CSNK2A2IP: variants seen among roughly 807,000 people sequenced by gnomAD.
CSNK2A2IP encodes casein kinase 2 subunit alpha' interacting protein.
At chr3:88,355,316 GAA>G in the CSNK2A2IP span, among the ~76,000 whole-genome samples, 83 of 152,088 alleles carry the variant, frequency 5.5e-4, 1 homozygote, top group East Asian at 0.015. Context: ...TTTTTGTTTT[GAA>G]ATGGGAGAGA....
the CSNK2A2IP span, among the ~76,000 whole-genome samples, chr3:88,380,681 G>A: frequency 0.019 from 2,844 of 151,834 alleles, 81 homozygotes; most frequent in African/African-American, 0.063. Context: ...GTAAAACAGA[G>A]TAAAGTAGAA....
chr3:88,360,221 G>A, the CSNK2A2IP span, among the ~76,000 whole-genome samples: 11 of 149,666 alleles, frequency 7.3e-5, no homozygotes, highest in East Asian at 2.0e-4. Context: ...CCACAACTCC[G>A]CCTCCAGGTT....
the CSNK2A2IP span, among the ~76,000 whole-genome samples, chr3:88,458,141 G>GTTTTTTTTTGTGT: frequency 4.8e-5 from 4 of 83,304 alleles, no homozygotes; most frequent in African/African-American, 2.2e-4. Context: ...TGTAATTGTG[G>GTTTTTTTTTGTGT]TTTTTTTTTT....
chr3:88,410,604 T>C, the CSNK2A2IP span, among the ~76,000 whole-genome samples: 1 of 152,070 alleles, frequency 6.6e-6, no homozygotes, highest in Non-Finnish European at 1.5e-5. Context: ...ACTTGTCTTT[T>C]CAGGTTAAAT....
chr3:88,356,795 A>T, the CSNK2A2IP span, among the ~76,000 whole-genome samples: 1 of 152,040 alleles, frequency 6.6e-6, no homozygotes, highest in Non-Finnish European at 1.5e-5. Context: ...GGCCATTTTA[A>T]CTGGGCTGAC....
chr3:88,389,571 T>C, the CSNK2A2IP span, among the ~76,000 whole-genome samples: 1 of 152,146 alleles, frequency 6.6e-6, no homozygotes, highest in Admixed American at 6.5e-5. Flanking sequence ...ATATCTGACA[T>C]AGTTTTAAAA....
the CSNK2A2IP span, chr3:88,466,883 C>A: frequency 1.7e-6 from 2 of 1,205,832 alleles, no homozygotes; most frequent in Non-Finnish European, 2.1e-6. Flanking sequence ...ACACCTGAGG[C>A]CAATTCTGAG....
At chr3:88,452,792 C>A in the CSNK2A2IP span, among the ~76,000 whole-genome samples, 1 of 152,024 alleles carries the variant, frequency 6.6e-6, no homozygotes, top group Non-Finnish European at 1.5e-5. Flanking sequence ...ACATAGCTTA[C>A]AAGATTGGTT....
the CSNK2A2IP span, among the ~76,000 whole-genome samples, chr3:88,386,777 T>C: frequency 2.0e-5 from 3 of 152,156 alleles, no homozygotes; most frequent in South Asian, 2.1e-4. Flanking sequence ...TTATTGGTAA[T>C]GACAAAGACC....
chr3:88,464,179 G>T, the CSNK2A2IP span, among the ~76,000 whole-genome samples: 4 of 144,144 alleles, frequency 2.8e-5, no homozygotes, highest in Non-Finnish European at 4.5e-5. Flanking sequence ...GGGGGGAGGG[G>T]GGAGGGATAG....
the CSNK2A2IP span, among the ~76,000 whole-genome samples, chr3:88,360,588 T>G: frequency 1.3e-5 from 2 of 152,186 alleles, no homozygotes; most frequent in Non-Finnish European, 2.9e-5. Flanking sequence ...GTAGGCAGCA[T>G]GTAGTCGGAT....
the CSNK2A2IP span, among the ~76,000 whole-genome samples, chr3:88,360,091 C>G: frequency 6.6e-6 from 1 of 151,030 alleles, no homozygotes; most frequent in Admixed American, 6.6e-5. Context: ...GGATTGACCC[C>G]TTTGCAATGA....
the CSNK2A2IP span, among the ~76,000 whole-genome samples, chr3:88,389,236 A>T: frequency 3.9e-3 from 207 of 52,978 alleles, 2 homozygotes; most frequent in African/African-American, 7.4e-3. Flanking sequence ...CATTTAATTT[A>T]AAAAAAAAAA....
At chr3:88,408,148 G>A in the CSNK2A2IP span, among the ~76,000 whole-genome samples, 1 of 152,190 alleles carries the variant, frequency 6.6e-6, no homozygotes, top group South Asian at 2.1e-4. Context: ...AAATTGCCCA[G>A]AGAAAAGAAA....
At chr3:88,380,731 G>A in the CSNK2A2IP span, among the ~76,000 whole-genome samples, 1 of 151,230 alleles carries the variant, frequency 6.6e-6, no homozygotes, top group South Asian at 2.1e-4. Context: ...GACAAGAAAG[G>A]AACATAATAA....
At chr3:88,422,052 A>G in the CSNK2A2IP span, among the ~76,000 whole-genome samples, 1 of 152,190 alleles carries the variant, frequency 6.6e-6, no homozygotes, top group South Asian at 2.1e-4. Context: ...CTGAGAGTCC[A>G]TGTGTTTCTG....
the CSNK2A2IP span, among the ~76,000 whole-genome samples, chr3:88,387,652 G>C: frequency 2.0e-5 from 3 of 151,938 alleles, no homozygotes; most frequent in Admixed American, 2.0e-4. Context: ...CTTCCACCTG[G>C]AACTGCCTTT....
chr3:88,344,985 A>G, the CSNK2A2IP span, among the ~76,000 whole-genome samples: 2 of 151,982 alleles, frequency 1.3e-5, no homozygotes, highest in African/African-American at 4.8e-5. Flanking sequence ...GTGCTTAAGG[A>G]TTTGGAAGAT....
chr3:88,439,841 GA>G, the CSNK2A2IP span, among the ~76,000 whole-genome samples: 1 of 152,060 alleles, frequency 6.6e-6, no homozygotes, highest in Non-Finnish European at 1.5e-5. Context: ...GAGACGAGGA[GA>G]AAAAGTTCTA....
Sources: gnomAD v4.1 joint callset for allele counts (sites outside exome capture counted in the v4.1 genomes callset) on GRCh38, gnomAD v4.1.1 for gene constraint, MANE v1.5 for transcripts, NCBI Gene and HGNC (gene_info 2026-07-23, HGNC 2026-07-21) for gene names.